RGS6: variants seen among roughly 807,000 people sequenced by gnomAD.
The protein encoded by RGS6 is regulator of G-protein signaling 6.
In RGS6, 30 loss-of-function variants were observed where a neutral mutation model predicts 78.5. The observed-to-expected ratio is 0.38, with a 90% CI of 0.29 to 0.52. The LOEUF (loss-of-function observed/expected upper bound fraction) is 0.52. Ranked by LOEUF, RGS6 falls within the 20% of genes least tolerant of loss-of-function variation. The pLI, the probability that RGS6 is intolerant of heterozygous loss-of-function variation, is 0.85. For missense variants in RGS6, 495 were observed against 609.7 expected, an observed-to-expected ratio of 0.81 and a Z score of 1.98; for synonymous variants, 206 against 206.0, an observed-to-expected ratio of 1.00 and a Z score of 0.00.
At chr14:72,594,014 C>G in the RGS6 span, among the ~76,000 whole-genome samples, 1 of 152,050 alleles carries the variant, frequency 6.6e-6, no homozygotes, top group Non-Finnish European at 1.5e-5. Flanking sequence ...GCAGTGGGAC[C>G]AGAACCAAGA....
chr14:72,227,552 A>G (rs1235788110), intron 2 of RGS6, among the ~76,000 whole-genome samples: 2 of 152,234 alleles, frequency 1.3e-5, no homozygotes, highest in South Asian at 2.1e-4. Flanking sequence ...CCCCTTCCCA[A>G]TGCCAGTCAT....
the RGS6 span, chr14:72,612,753 A>G: frequency 6.3e-5 from 24 of 379,172 alleles, no homozygotes; most frequent in Non-Finnish European, 1.0e-4. Flanking sequence ...ACTATTGCCA[A>G]ATATCTTTCA....
chr14:72,444,077 G>C (rs2095293377), intron 3 of RGS6, among the ~76,000 whole-genome samples: 1 of 152,140 alleles, frequency 6.6e-6, no homozygotes, highest in Non-Finnish European at 1.5e-5. Context: ...CCCCACGTCT[G>C]CTGCTGCCCA....
intron 2 of RGS6, among the ~76,000 whole-genome samples, chr14:72,098,874 T>G (rs1365302919): frequency 6.6e-6 from 1 of 152,172 alleles, no homozygotes; most frequent in Non-Finnish European, 1.5e-5. Flanking sequence ...TACTGCTAAG[T>G]GCGTAGAGCC....
At chr14:72,597,935 C>T in the RGS6 span, among the ~76,000 whole-genome samples, 32 of 152,318 alleles carry the variant, frequency 2.1e-4, no homozygotes, top group Non-Finnish European at 4.4e-4. Flanking sequence ...CTCCTGAACC[C>T]ACCCCATTCC....
intron 2 of RGS6, among the ~76,000 whole-genome samples, chr14:72,112,419 A>G (rs939995838): frequency 4.7e-4 from 71 of 152,166 alleles, no homozygotes; most frequent in Non-Finnish European, 1.5e-4. Flanking sequence ...TCAAGGTCAC[A>G]AAGGTGCTGA....
chr14:72,387,991 G>A (rs2088785880), intron 3 of RGS6, among the ~76,000 whole-genome samples: 1 of 152,156 alleles, frequency 6.6e-6, no homozygotes, highest in African/African-American at 2.4e-5. Flanking sequence ...ACTGGATTCA[G>A]GCATACCCTG....
chr14:72,102,845 A>T (rs549676133), intron 2 of RGS6, among the ~76,000 whole-genome samples: 131 of 152,198 alleles, frequency 8.6e-4, no homozygotes, highest in African/African-American at 2.6e-3. Flanking sequence ...TTATATATAT[A>T]TTTTTTTCTT....
intron 17 of RGS6, among the ~76,000 whole-genome samples, chr14:72,548,342 T>TGTGTGTGTGTGTGTGTGTGTGC (rs796698263): frequency 7.4e-6 from 1 of 134,744 alleles, no homozygotes; most frequent in African/African-American, 3.2e-5. Context: ...TGTGTGTGTG[T>TGTGTGTGTGTGTGTGTGTGTGC]GCGCGCGTGT....
At chr14:71,870,563 G>A in the RGS6 span, among the ~76,000 whole-genome samples, 1 of 152,208 alleles carries the variant, frequency 6.6e-6, no homozygotes, top group Non-Finnish European at 1.5e-5. Context: ...AGTGAGGAAT[G>A]AGGCGTTTCC....
intron 3 of RGS6, among the ~76,000 whole-genome samples, chr14:72,382,027 CT>C: frequency 6.6e-6 from 1 of 151,460 alleles, no homozygotes; most frequent in East Asian, 1.9e-4. Context: ...AGAAGAATGG[CT>C]TCTTAAAAAG....
chr14:72,214,098 C>T (rs1035633104), intron 2 of RGS6, among the ~76,000 whole-genome samples: 2 of 151,396 alleles, frequency 1.3e-5, no homozygotes, highest in South Asian at 2.1e-4. Flanking sequence ...TTTTGAGTTA[C>T]ATTAAACTCA....
rs868209488 is a variant in RGS6 at position 72,383,177 on chromosome 14, C to T, written c.184+30983C>T. On this transcript the variant is annotated intron_variant, in intron 3 of 17. Transcript: ENST00000553525. The stretch of plus-strand genomic sequence containing the variant: ...TATTTACAGCCATGAAAAAATTGTA[C>T]ATATATATATATATATATATATATA... Among the ~76,000 whole-genome samples the T allele has an allele frequency of 1.0e-3, 74 of 71,026 alleles. 2 individuals carry two copies. The highest frequency in any genetic ancestry group is 1.1e-3 in the Admixed American group (7 of 6,196). 46.6% of individuals were successfully genotyped at this position (71,026 alleles called of 152,430 possible).
chr14:72,054,777 T>C lies in RGS6; in HGVS notation c.84+89902T>C, dbSNP rs181993504. ...CCACCATTCTGAACATTGTTTATCATTCTCTTGCTTCACCCCTACATATCT... is the reference window on the plus strand; with the variant it reads ...CCACCATTCTGAACATTGTTTATCACTCTCTTGCTTCACCCCTACATATCT... On this transcript the variant is annotated intron_variant, in intron 2 of 17. Coordinates refer to ENST00000553525, the MANE Select transcript of RGS6 (RefSeq NM_001204424.2). Among the ~76,000 whole-genome samples the C allele has an allele frequency of 7.2e-5, 11 of 152,346 alleles. 1 individual carries two copies. The East Asian group carries it at 2.1e-3, about 29-fold the overall frequency.
intron 2 of RGS6, among the ~76,000 whole-genome samples, chr14:72,166,891 G>A (rs1226353008): frequency 1.3e-5 from 2 of 152,154 alleles, no homozygotes; most frequent in Non-Finnish European, 2.9e-5. Flanking sequence ...TTTGAGGACT[G>A]GTAGCTGAAC....
chr14:71,941,248 A>C (rs887108069), intron 1 of RGS6, among the ~76,000 whole-genome samples: 4 of 152,206 alleles, frequency 2.6e-5, no homozygotes, highest in African/African-American at 9.6e-5. Context: ...TAGGAGTGTC[A>C]AAGGCATTTA....
intron 2 of RGS6, among the ~76,000 whole-genome samples, chr14:72,110,336 A>G (rs1373564522): frequency 6.6e-6 from 1 of 152,156 alleles, no homozygotes; most frequent in Admixed American, 6.6e-5. Flanking sequence ...TTCTTCTTTT[A>G]TATGTAAAGT....
At chr14:72,027,833 T>C (rs1029454081) in intron 2 of RGS6, among the ~76,000 whole-genome samples, 2 of 152,242 alleles carry the variant, frequency 1.3e-5, no homozygotes, top group African/African-American at 4.8e-5. Flanking sequence ...AAGCGGTAGA[T>C]GCCAACCAGA....
intron 1 of RGS6, among the ~76,000 whole-genome samples, chr14:71,960,863 C>T (rs1595270866): frequency 6.6e-6 from 1 of 152,102 alleles, no homozygotes; most frequent in African/African-American, 2.4e-5. Context: ...TCATCTGTCA[C>T]CTCCTCCTAC....
Sources: allele counts gnomAD v4.1 joint callset (sites outside exome capture counted in the v4.1 genomes callset), GRCh38; gene constraint gnomAD v4.1.1; transcripts MANE v1.5; gene names NCBI Gene and HGNC (gene_info 2026-07-23, HGNC 2026-07-21).